The following ARHGEF28 variants were observed in gnomAD, a reference collection of about 807,000 sequenced individuals.
ARHGEF28 encodes 190 kDa guanine nucleotide exchange factor.
Under a neutral mutation model 206.6 loss-of-function variants are expected in ARHGEF28, and 152 were observed. That is an observed-to-expected ratio of 0.74 (90% CI 0.64 to 0.84). The LOEUF (loss-of-function observed/expected upper bound fraction) is 0.84. Among genes scored for constraint, ARHGEF28 ranks in the 40% least tolerant of loss-of-function variants. The probability of loss-of-function intolerance (pLI) is 0.00; values close to 1 mark genes in which losing one functional copy is unlikely to be tolerated. For missense variants in ARHGEF28, 2,028 were observed against 2,073.2 expected (o/e 0.98, Z 0.42); for synonymous variants, 763 against 776.4 (o/e 0.98, Z 0.29).
At chr5:73,865,916 C>G in intron 17 of ARHGEF28, 49 bp from the exon 18 acceptor site, 1 of 1,308,450 alleles carries the variant, frequency 7.6e-7, no homozygotes. Context: ...TTCTTATAGT[C>G]TAATGATACT....
At chr5:73,639,865 A>G (rs1459729575) in intron 1 of ARHGEF28, among the ~76,000 whole-genome samples, 4 of 151,122 alleles carry the variant, frequency 2.6e-5, no homozygotes, top group African/African-American at 9.9e-5. Context: ...GTGCTTTTTC[A>G]TTTTCTTATT....
chr5:73,784,981 G>A lies in ARHGEF28; in HGVS notation c.910+4236G>A, dbSNP rs193106838. Among the ~76,000 whole-genome samples the A allele has an allele frequency of 1.6e-4, 24 of 152,226 alleles. No homozygotes were observed. In the East Asian group the frequency reaches 4.0e-3, roughly 26 times the overall value. On this transcript the variant is annotated intron_variant, in intron 7 of 35. Transcript: ENST00000513042. The stretch of plus-strand genomic sequence containing the variant: ...TGGGCAGGTAGCATAGGCAGCATAA[G>A]GACACTGGACAATGAAATAATTCAC...
intron 2 of ARHGEF28, among the ~76,000 whole-genome samples, chr5:73,700,750 T>C (rs1748549336): frequency 6.6e-6 from 1 of 152,172 alleles, no homozygotes; most frequent in Non-Finnish European, 1.5e-5. Context: ...CCTATAAATA[T>C]GTATAATTAC....
At chr5:73,780,215 T>G (rs1753757973) in intron 6 of ARHGEF28, 2 of 155,858 alleles carry the variant, frequency 1.3e-5, no homozygotes, top group African/African-American at 4.8e-5. Flanking sequence ...TGTGCCAACC[T>G]GCAGCTCAGG....
chr5:73,844,763 C>CA (rs1758206821), intron 11 of ARHGEF28, among the ~76,000 whole-genome samples: 1 of 66,120 alleles, frequency 1.5e-5, no homozygotes, highest in Admixed American at 1.7e-4. Context: ...AGAACTGTAA[C>CA]AACCAAAAAA....
At chr5:73,914,802 T>A (rs1328640147) in intron 35 of ARHGEF28, among the ~76,000 whole-genome samples, 1 of 152,204 alleles carries the variant, frequency 6.6e-6, no homozygotes, top group Non-Finnish European at 1.5e-5. Flanking sequence ...TTTCAATCAC[T>A]GCAACCTCCA....
At chr5:73,920,625 C>T (rs545773036) in intron 35 of ARHGEF28, among the ~76,000 whole-genome samples, 6 of 149,820 alleles carry the variant, frequency 4.0e-5, no homozygotes, top group East Asian at 4.0e-4. Flanking sequence ...TCCCGGCTCA[C>T]TGCAAGCTCC....
chr5:73,755,437 G>A (rs1752255539), intron 4 of ARHGEF28, among the ~76,000 whole-genome samples: 1 of 152,052 alleles, frequency 6.6e-6, no homozygotes. Flanking sequence ...CCCCTCCCCA[G>A]GCCAGCAAGT....
At chr5:73,761,605 A>C (rs2112422969) in intron 4 of ARHGEF28, among the ~76,000 whole-genome samples, 1 of 152,278 alleles carries the variant, frequency 6.6e-6, no homozygotes, top group East Asian at 1.9e-4. Context: ...TGTGGGGATG[A>C]AGCTGTATGG....
At chr5:73,712,463 G>A (rs1561350779) in intron 2 of ARHGEF28, among the ~76,000 whole-genome samples, 1 of 152,298 alleles carries the variant, frequency 6.6e-6, no homozygotes, top group South Asian at 2.1e-4. Flanking sequence ...TCTTGGTAGA[G>A]TGCATGCTTT....
chr5:73,813,416 C>T (rs995719469), intron 9 of ARHGEF28: 65 of 1,344,016 alleles, frequency 4.8e-5, no homozygotes, highest in South Asian at 6.5e-5. Context: ...CCTGAATGCC[C>T]GAAGGAAGCA....
chr5:73,809,239 G>T (rs1330776972), intron 9 of ARHGEF28, among the ~76,000 whole-genome samples: 1 of 150,650 alleles, frequency 6.6e-6, no homozygotes, highest in African/African-American at 2.5e-5. Flanking sequence ...CTGTTTCAGT[G>T]TCTATAACAG....
At chr5:73,880,116 C>T (rs1371989336) in intron 22 of ARHGEF28, among the ~76,000 whole-genome samples, 6 of 152,200 alleles carry the variant, frequency 3.9e-5, no homozygotes, top group South Asian at 2.1e-4. Context: ...TTTACCTAAG[C>T]GAGCCTGGGC....
chr5:73,696,420 T>C (rs1196848004), intron 2 of ARHGEF28, among the ~76,000 whole-genome samples: 1 of 152,132 alleles, frequency 6.6e-6, no homozygotes, highest in African/African-American at 2.4e-5. Context: ...CTTGCTTCCT[T>C]CCCCTTTGTA....
chr5:73,749,824 A>G lies in ARHGEF28; in HGVS notation c.34-13A>G, dbSNP rs1232463233. On this transcript the variant is annotated splice_polypyrimidine_tract_variant and intron_variant, in intron 2 of 35. Coordinates refer to ENST00000513042, the MANE Select transcript of ARHGEF28 (RefSeq NM_001177693.2). Reference sequence around the variant, plus strand: ...AGGAAGTCTGACAATGCCCCGACTTATTCCTTTTTCAGGGGCAGATGATGA... The same window carrying G: ...AGGAAGTCTGACAATGCCCCGACTTGTTCCTTTTTCAGGGGCAGATGATGA... 3.1e-6 allele frequency: 5 copies of G among 1,613,810 alleles called. No individual in the cohort carries two copies. Among genetic ancestry groups the G allele is most frequent in the Non-Finnish European group, 4.2e-6 (5 of 1,179,774 alleles).
intron 35 of ARHGEF28, among the ~76,000 whole-genome samples, chr5:73,914,082 C>T (rs544006214): frequency 6.6e-6 from 1 of 152,218 alleles, no homozygotes; most frequent in East Asian, 1.9e-4. Flanking sequence ...TCAGTACAGC[C>T]TCAGCAGACA....
intron 2 of ARHGEF28, among the ~76,000 whole-genome samples, chr5:73,718,216 C>A (rs1749707210): frequency 6.6e-6 from 1 of 152,064 alleles, no homozygotes; most frequent in East Asian, 1.9e-4. Context: ...GATTATAGAC[C>A]TCCCAAAGTT....
intron 10 of ARHGEF28, among the ~76,000 whole-genome samples, chr5:73,834,719 A>C (rs573953830): frequency 6.6e-6 from 1 of 152,158 alleles, no homozygotes; most frequent in East Asian, 1.9e-4. Flanking sequence ...AGTACTTACC[A>C]TTGTGTCCCA....
At chr5:73,932,449 A>G (rs1764179089) in intron 35 of ARHGEF28, among the ~76,000 whole-genome samples, 1 of 152,010 alleles carries the variant, frequency 6.6e-6, no homozygotes, top group South Asian at 2.1e-4. Context: ...TCAAGTGCCC[A>G]AGTTTACAAA....
Sources: allele counts gnomAD v4.1 joint callset (sites outside exome capture counted in the v4.1 genomes callset), GRCh38; gene constraint gnomAD v4.1.1; transcripts MANE v1.5; gene names NCBI Gene and HGNC (gene_info 2026-07-23, HGNC 2026-07-21).